The following MAP4K4 variants were observed in gnomAD, a reference collection of about 807,000 sequenced individuals.
MAP4K4 encodes the protein mitogen-activated protein kinase kinase kinase kinase 4, also known as HPK/GCK-like kinase HGK.
Under a neutral mutation model 189.6 loss-of-function variants are expected in MAP4K4, and 38 were observed. The observed-to-expected ratio is 0.20, with a 90% CI of 0.15 to 0.26. The LOEUF (loss-of-function observed/expected upper bound fraction) is 0.26. Ranked by LOEUF, MAP4K4 falls within the 10% of genes least tolerant of loss-of-function variation. MAP4K4 has a pLI of 1.00. For synonymous variants in MAP4K4, 610 were observed against 624.3 expected (o/e 0.98, Z 0.34); for missense variants, 1,054 against 1,726.9 (o/e 0.61, Z 6.91).
chr2:101,876,345 G>A (rs2098203996), intron 26 of MAP4K4, among the ~76,000 whole-genome samples: 1 of 152,238 alleles, frequency 6.6e-6, no homozygotes, highest in African/African-American at 2.4e-5. Flanking sequence ...GGCAGCAGAA[G>A]AGTGTGGAGA....
chr2:101,698,076 G>A (rs768754407), exon 1 of MAP4K4: 3 of 1,330,344 alleles, frequency 2.3e-6, no homozygotes, highest in Non-Finnish European at 3.0e-6. Flanking sequence ...TGGCAAAAAG[G>A]GAAAATGGCG....
At chr2:101,698,683 C>G (rs922500022) in intron 2 of MAP4K4, 145 bp downstream of exon 2, 2 of 732,396 alleles carry the variant, frequency 2.7e-6, no homozygotes, top group East Asian at 4.9e-5. Context: ...CTTGCAGTCC[C>G]TCTGTTTTTG....
chr2:101,755,958 T>C (rs1574970075), intron 2 of MAP4K4, among the ~76,000 whole-genome samples: 2 of 106,428 alleles, frequency 1.9e-5, no homozygotes, highest in Non-Finnish European at 3.5e-5. Flanking sequence ...TTTTTTTTTT[T>C]GAGACAGCGT....
At chr2:101,793,781 T>C (rs1575649857) in intron 3 of MAP4K4, among the ~76,000 whole-genome samples, 1 of 152,126 alleles carries the variant, frequency 6.6e-6, no homozygotes, top group Admixed American at 6.5e-5. Flanking sequence ...TCTCCCGAGC[T>C]GTCAGCTGTT....
chr2:101,719,311 T>A (rs1250096968), intron 2 of MAP4K4, among the ~76,000 whole-genome samples: 1 of 152,202 alleles, frequency 6.6e-6, no homozygotes. Flanking sequence ...AAATTCCATT[T>A]CAGTTTGTAG....
rs375015658 is a variant in MAP4K4 at position 101,747,307 on chromosome 2, C to T, written c.124-43413C>T. 3.5e-3 allele frequency among the ~76,000 whole-genome samples: 533 copies of T among 152,102 alleles called. 2 individuals are homozygous for T. Among genetic ancestry groups the T allele is most frequent in the African/African-American group, 0.012 (517 of 41,468 alleles). On this transcript the variant is annotated intron_variant, in intron 2 of 32. Transcript: ENST00000324219. ...CTAATTTTTGTATTTTTAATAGAGACGGGGTTTCACCATGTTGGCCAGGCT... is the reference window on the plus strand; with the variant it reads ...CTAATTTTTGTATTTTTAATAGAGATGGGGTTTCACCATGTTGGCCAGGCT...
chr2:101,747,365 C>T (rs372953798), intron 2 of MAP4K4, among the ~76,000 whole-genome samples: 1 of 152,056 alleles, frequency 6.6e-6, no homozygotes, highest in Admixed American at 6.6e-5. Context: ...GTGGTAGGCC[C>T]GCCTAGGCCT....
chr2:101,871,115 G>A (rs2097999198), intron 23 of MAP4K4, among the ~76,000 whole-genome samples: 1 of 152,080 alleles, frequency 6.6e-6, no homozygotes, highest in Admixed American at 6.5e-5. Flanking sequence ...CAATGCATTC[G>A]GATGGAAAGT....
intron 2 of MAP4K4, among the ~76,000 whole-genome samples, chr2:101,748,287 G>C (rs2066680530): frequency 6.6e-6 from 1 of 152,218 alleles, no homozygotes. Flanking sequence ...CTTCAAAAAA[G>C]TGTGTGTGGG....
intron 2 of MAP4K4, among the ~76,000 whole-genome samples, chr2:101,708,489 A>G (rs2149270243): frequency 6.6e-6 from 1 of 152,338 alleles, no homozygotes; most frequent in African/African-American, 2.4e-5. Flanking sequence ...AGGAATAAGG[A>G]AAGTGAGGCA....
At chr2:101,710,639 A>T (rs1407202723) in intron 2 of MAP4K4, among the ~76,000 whole-genome samples, 1 of 152,218 alleles carries the variant, frequency 6.6e-6, no homozygotes, top group Non-Finnish European at 1.5e-5. Context: ...AGAGGATGAT[A>T]TTGCAGATGG....
chr2:101,868,831 T>A (rs2097895671), intron 21 of MAP4K4, among the ~76,000 whole-genome samples: 1 of 151,986 alleles, frequency 6.6e-6, no homozygotes, highest in Non-Finnish European at 1.5e-5. Context: ...CATTTTAATG[T>A]AGGTTTGAAG....
At chr2:101,790,518 C>T (rs1169202185) in intron 2 of MAP4K4, among the ~76,000 whole-genome samples, 2 of 152,114 alleles carry the variant, frequency 1.3e-5, no homozygotes, top group African/African-American at 2.4e-5. Flanking sequence ...ATTTGTTCAT[C>T]GAATTGTCTT....
In MAP4K4 at chr2:101,855,522, C is replaced by T. The variant is rs759162345; in HGVS notation, c.1234-455C>T. On this transcript the variant is annotated intron_variant, in intron 12 of 32. Transcript: ENST00000324219. ...TAATGGTCCTGGTTATTCTTGTTGACGTCAGTTCCTCTTTTCCTGATGTGT... is the reference window on the plus strand; with the variant it reads ...TAATGGTCCTGGTTATTCTTGTTGATGTCAGTTCCTCTTTTCCTGATGTGT... Among the ~76,000 whole-genome samples the T allele has an allele frequency of 5.3e-5, 8 of 152,130 alleles. No homozygotes were observed. The South Asian group carries it at 8.3e-4, about 16-fold the overall frequency.
At chr2:101,733,390 A>T (rs545228332) in intron 2 of MAP4K4, among the ~76,000 whole-genome samples, 2 of 152,342 alleles carry the variant, frequency 1.3e-5, no homozygotes, top group East Asian at 3.9e-4. Context: ...CATGGGGCCC[A>T]GAGAGGGTGA....
At chr2:101,757,529 T>C (rs1175329856) in intron 2 of MAP4K4, among the ~76,000 whole-genome samples, 1 of 152,192 alleles carries the variant, frequency 6.6e-6, no homozygotes, top group Non-Finnish European at 1.5e-5. Context: ...GATTACTTAA[T>C]ACAGACTCAA....
At position 101,714,911 on chromosome 2, in the gene MAP4K4, A is replaced by G. The variant is rs2047595645; in HGVS notation, c.123+16373A>G. ...CCAGCTTAAGAAATTCTTGCCACCC[A>G]ACTTTTCTTCTATGAATCTCTCAAT... is the stretch of plus-strand genomic sequence containing the variant. On this transcript the variant is annotated intron_variant, in intron 2 of 32. Coordinates refer to ENST00000324219, the Ensembl canonical transcript of MAP4K4. 2.0e-5 allele frequency among the ~76,000 whole-genome samples: 3 copies of G among 152,326 alleles called. No individual in the cohort carries two copies. The South Asian group carries it at 6.2e-4, about 32-fold the overall frequency.
chr2:101,802,060 T>C (rs1330052654), intron 3 of MAP4K4, among the ~76,000 whole-genome samples: 1 of 152,216 alleles, frequency 6.6e-6, no homozygotes, highest in Non-Finnish European at 1.5e-5. Flanking sequence ...GTGGATAGAT[T>C]GACTTCAAGT....
At chr2:101,870,582 T>A in intron 23 of MAP4K4, 167 bp downstream of exon 23, 1 of 819,230 alleles carries the variant, frequency 1.2e-6, no homozygotes, top group Non-Finnish European at 1.9e-6. Flanking sequence ...AGGTGTGTAC[T>A]GCATGCCCAG....
Sources: gnomAD v4.1 joint callset for allele counts (sites outside exome capture counted in the v4.1 genomes callset) on GRCh38, gnomAD v4.1.1 for gene constraint, MANE v1.5 for transcripts, NCBI Gene and HGNC (gene_info 2026-07-23, HGNC 2026-07-21) for gene names.